SPIRE1: variants seen among roughly 807,000 people sequenced by gnomAD.
SPIRE1 encodes protein spire homolog 1.
A neutral mutation model predicts 94.1 loss-of-function variants in SPIRE1; 40 were observed. The ratio of observed to expected loss-of-function variants is 0.43; its 90% CI spans 0.33 to 0.55. The LOEUF is 0.55. Among genes scored for constraint, SPIRE1 ranks in the 20% least tolerant of loss-of-function variants. The pLI is 0.06. For synonymous variants in SPIRE1, 376 were observed against 371.7 expected (o/e 1.01, Z -0.13); for missense variants, 838 against 975.2 (o/e 0.86, Z 1.87).
intron 9 of SPIRE1, among the ~76,000 whole-genome samples, chr18:12,481,760 A>G (rs2032850692): frequency 6.6e-6 from 1 of 152,232 alleles, no homozygotes. Flanking sequence ...GCAAGTTTTT[A>G]TACAAATTAT....
chr18:12,581,691 C>T (rs891665172), intron 2 of SPIRE1, among the ~76,000 whole-genome samples: 1 of 152,100 alleles, frequency 6.6e-6, no homozygotes, highest in Admixed American at 6.6e-5. Flanking sequence ...TGGCAAAACC[C>T]TGTCTCTACT....
At chr18:12,459,513 G>A (rs2031682829) in intron 12 of SPIRE1, among the ~76,000 whole-genome samples, 2 of 152,212 alleles carry the variant, frequency 1.3e-5, no homozygotes, top group South Asian at 2.1e-4. Context: ...GGTCACCCGA[G>A]GAGACAAACA....
At chr18:12,522,861 A>C (rs1185643508) in intron 4 of SPIRE1, among the ~76,000 whole-genome samples, 1 of 152,260 alleles carries the variant, frequency 6.6e-6, no homozygotes, top group African/African-American at 2.4e-5. Context: ...GTCACCCAAA[A>C]GCTCGATGGT....
intron 6 of SPIRE1, among the ~76,000 whole-genome samples, chr18:12,498,916 C>G (rs1177608166): frequency 6.6e-6 from 1 of 152,094 alleles, no homozygotes. Flanking sequence ...CCAACTGCAC[C>G]CTGCCCATTT....
chr18:12,584,427 C>T (rs2036337996), intron 2 of SPIRE1, among the ~76,000 whole-genome samples: 1 of 150,006 alleles, frequency 6.7e-6, no homozygotes, highest in Non-Finnish European at 1.5e-5. Flanking sequence ...AAAACTCCAT[C>T]TCAAGAAAAA....
At chr18:12,576,934 C>T (rs1373685752) in intron 2 of SPIRE1, among the ~76,000 whole-genome samples, 1 of 148,270 alleles carries the variant, frequency 6.7e-6, no homozygotes, top group African/African-American at 2.5e-5. Context: ...GTCATCAACA[C>T]TGTTTAATAC....
intron 2 of SPIRE1, among the ~76,000 whole-genome samples, chr18:12,591,412 G>A (rs1209097955): frequency 6.6e-6 from 1 of 152,170 alleles, no homozygotes; most frequent in Non-Finnish European, 1.5e-5. Flanking sequence ...CACTGGAAGG[G>A]CTGTAACTTT....
intron 12 of SPIRE1, among the ~76,000 whole-genome samples, chr18:12,461,440 A>ACG (rs2031804491): frequency 8.4e-6 from 1 of 119,304 alleles, no homozygotes; most frequent in African/African-American, 3.8e-5. Flanking sequence ...ATGTATGTAT[A>ACG]TACATACATG....
chr18:12,612,259 G>A (rs1408257771), intron 2 of SPIRE1, among the ~76,000 whole-genome samples: 1 of 152,132 alleles, frequency 6.6e-6, no homozygotes, highest in Non-Finnish European at 1.5e-5. Flanking sequence ...TGGCTTCCTG[G>A]AGAAAACACA....
chr18:12,597,157 TACACACACACACACACACACAC>T (rs58238813), intron 2 of SPIRE1, among the ~76,000 whole-genome samples: 169 of 144,104 alleles, frequency 1.2e-3, no homozygotes, highest in South Asian at 7.0e-3. Context: ...TGTCTCTTTC[TACACACACACACACACACACAC>T]ACACACACAC....
At chr18:12,639,153 G>A (rs1357730261) in intron 1 of SPIRE1, among the ~76,000 whole-genome samples, 6 of 151,094 alleles carry the variant, frequency 4.0e-5, no homozygotes, top group Non-Finnish European at 1.5e-5. Flanking sequence ...ACGGAGTCTC[G>A]CTCTGTCGCC....
intron 8 of SPIRE1, among the ~76,000 whole-genome samples, chr18:12,487,763 A>G (rs1011013314): frequency 2.0e-5 from 3 of 152,226 alleles, no homozygotes; most frequent in Admixed American, 6.5e-5. Context: ...TTATGCATAT[A>G]ATAACCACTA....
At chr18:12,452,226 T>C (rs546692312) in intron 16 of SPIRE1, 29 bp downstream of exon 16, 2 of 1,612,808 alleles carry the variant, frequency 1.2e-6, no homozygotes, top group Admixed American at 1.7e-5. Flanking sequence ...CTGCAAAGGA[T>C]GGTTTGACAA....
intron 2 of SPIRE1, among the ~76,000 whole-genome samples, chr18:12,575,900 C>T (rs1407265984): frequency 6.6e-6 from 1 of 152,158 alleles, no homozygotes; most frequent in Non-Finnish European, 1.5e-5. Flanking sequence ...AATTGACAAA[C>T]TGATTTTAAA....
intron 6 of SPIRE1, among the ~76,000 whole-genome samples, chr18:12,502,917 G>A (rs1000959687): frequency 1.4e-4 from 21 of 152,166 alleles, no homozygotes; most frequent in Admixed American, 1.2e-3. Flanking sequence ...AGACCAGCGT[G>A]GCTAACCTGA....
At chr18:12,631,142 C>G (rs139913181) in intron 2 of SPIRE1, among the ~76,000 whole-genome samples, 1 of 152,094 alleles carries the variant, frequency 6.6e-6, no homozygotes, top group South Asian at 2.1e-4. Context: ...TCTGTGCTCT[C>G]ATACCACAGC....
In SPIRE1 at chr18:12,657,644, G is replaced by T; in HGVS notation, c.223C>A (p.Arg75Ser). The change falls in exon 1 of 17, where the codon CGC becomes AGC. Residue 75 changes from arginine to serine, a missense_variant. Coordinates refer to ENST00000409402, the MANE Select transcript of SPIRE1 (RefSeq NM_001128626.2). ...CCGSLRAAAR[R>S]RQPRHRVRSA... Reference sequence around the variant, plus strand: ...CGCACACGGTGGCGGGGCTGGCGGCGGCGGGCGGCGGCGCGCAGGGAACCG... The same window carrying T: ...CGCACACGGTGGCGGGGCTGGCGGCTGCGGGCGGCGGCGCGCAGGGAACCG... 7.6e-7 allele frequency: 1 copy of T among 1,315,816 alleles called. No individual in the cohort carries two copies. The allele number at this position is 1,315,816 out of a possible 1,614,324, so 81.5% of individuals were successfully genotyped here.
upstream of SPIRE1, chr18:12,661,488 G>A (rs766639362): frequency 1.9e-5 from 7 of 373,146 alleles, no homozygotes; most frequent in Non-Finnish European, 2.6e-5. Context: ...TCAAAGATTT[G>A]AGGCCAGGCG....
At position 12,454,405 on chromosome 18, in the gene SPIRE1, C is replaced by A; in HGVS notation, c.1717G>T (p.Ala573Ser). The A allele has an allele frequency of 1.2e-6, 2 of 1,614,110 alleles. No individual in the cohort carries two copies. Among genetic ancestry groups the A allele is most frequent in the Non-Finnish European group, 1.7e-6 (2 of 1,179,980 alleles). ...TACTGTTGGTATTTTTCCAGCTCTG[C>A]CTTCACCAGGACCTGGCGAATATGC... ...VMHIRQVLVKAELEKYQQYKD... is the reference protein window; with the variant it reads ...VMHIRQVLVKSELEKYQQYKD... Residue 573 changes from alanine (A) to serine (S), a missense_variant, in exon 13 of 17, where the codon GCA (alanine) becomes TCA (serine). Physicochemically the swap from Ala to Ser is moderately conservative, Grantham distance 99 (BLOSUM62 1). Coordinates refer to ENST00000409402, the MANE Select transcript of SPIRE1 (RefSeq NM_001128626.2).
Sources: allele counts gnomAD v4.1 joint callset (sites outside exome capture counted in the v4.1 genomes callset), GRCh38; gene constraint gnomAD v4.1.1; transcripts MANE v1.5; gene names NCBI Gene and HGNC (gene_info 2026-07-23, HGNC 2026-07-21).